Variants in UMAD1 observed in about 807,000 individuals in gnomAD.
UMAD1 encodes the protein UBAP1-MVB12-associated (UMA) domain containing 1, also known as UBAP1-MVB12-associated (UMA)-domain containing protein 1.
In UMAD1, 8 loss-of-function variants were observed where a neutral mutation model predicts 6.1. The observed-to-expected ratio is 1.30, with a 90% confidence interval of 0.76 to 2.35. UMAD1 has a LOEUF of 2.35. Ranked by LOEUF, UMAD1 falls within the 30% of genes most tolerant of loss-of-function variation. UMAD1 has a pLI of 0.00. For synonymous variants in UMAD1, 56 were observed against 31.4 expected (o/e 1.78, Z -2.61); for missense variants, 130 against 78.4 (o/e 1.66, Z -2.49).
chr7:7,866,999 T>G (rs962576701), intron 3 of UMAD1, among the ~76,000 whole-genome samples: 3 of 152,048 alleles, frequency 2.0e-5, no homozygotes, highest in Non-Finnish European at 4.4e-5. Context: ...TAGGACTCAG[T>G]GATTTATTGC....
At chr7:7,875,164 C>T (rs1784394562) in intron 3 of UMAD1, among the ~76,000 whole-genome samples, 1 of 152,120 alleles carries the variant, frequency 6.6e-6, no homozygotes, top group Non-Finnish European at 1.5e-5. Context: ...CACAACGTAC[C>T]AGAATCTCTG....
chr7:7,705,613 T>TA (rs1305938073), intron 2 of UMAD1, among the ~76,000 whole-genome samples: 13 of 152,218 alleles, frequency 8.5e-5, no homozygotes, highest in African/African-American at 3.1e-4. Flanking sequence ...GATAATGAAT[T>TA]AGAGTTCAAG....
At chr7:7,772,823 G>A (rs913075859) in intron 2 of UMAD1, among the ~76,000 whole-genome samples, 3 of 152,186 alleles carry the variant, frequency 2.0e-5, no homozygotes, top group African/African-American at 7.2e-5. Context: ...GTGGTCAGTT[G>A]TGCCTTACCA....
At chr7:7,659,302 C>A (rs36130255) in intron 1 of UMAD1, among the ~76,000 whole-genome samples, 21,358 of 151,620 alleles carry the variant, frequency 0.14, 1,754 homozygotes, top group Middle Eastern at 0.24. Context: ...GTCTCTATCT[C>A]CTTCATTTTT....
intron 2 of UMAD1, among the ~76,000 whole-genome samples, chr7:7,784,554 C>T (rs546609006): frequency 6.6e-6 from 1 of 150,664 alleles, no homozygotes; most frequent in Non-Finnish European, 1.5e-5. Flanking sequence ...ACTGTGTTAG[C>T]CAGGATGGTC....
intron 3 of UMAD1, among the ~76,000 whole-genome samples, chr7:7,844,501 G>A (rs1171225993): frequency 6.6e-6 from 1 of 152,074 alleles, no homozygotes; most frequent in African/African-American, 2.4e-5. Context: ...GCAGTGACTG[G>A]CGTTGGTAGT....
At chr7:7,837,135 C>T (rs1262380075) in intron 3 of UMAD1, among the ~76,000 whole-genome samples, 1 of 152,018 alleles carries the variant, frequency 6.6e-6, no homozygotes, top group East Asian at 1.9e-4. Context: ...TCAGTAACAG[C>T]ACTGGATCCA....
intron 2 of UMAD1, among the ~76,000 whole-genome samples, chr7:7,752,045 A>G (rs1160409178): frequency 6.6e-6 from 1 of 152,206 alleles, no homozygotes; most frequent in Non-Finnish European, 1.5e-5. Context: ...GAGAAATTAT[A>G]GACTCCTAAT....
At chr7:7,849,991 A>C (rs966887416) in intron 3 of UMAD1, among the ~76,000 whole-genome samples, 23 of 152,200 alleles carry the variant, frequency 1.5e-4, no homozygotes, top group African/African-American at 5.3e-4. Flanking sequence ...AAGATTAAAA[A>C]GTCTGAAAAC....
At chr7:7,796,070 C>T (rs1346441491) in intron 2 of UMAD1, among the ~76,000 whole-genome samples, 2 of 151,836 alleles carry the variant, frequency 1.3e-5, no homozygotes, top group Admixed American at 1.3e-4. Context: ...AATGCAACAA[C>T]CAGTGGACAG....
chr7:7,803,935 A>G (rs1275019659), intron 3 of UMAD1, among the ~76,000 whole-genome samples: 1 of 152,310 alleles, frequency 6.6e-6, no homozygotes, highest in Non-Finnish European at 1.5e-5. Context: ...GAACTTGACT[A>G]TTTTTCAAAG....
chr7:7,778,265 T>TGAGAGAGAGAGA (rs1312767168), intron 2 of UMAD1, among the ~76,000 whole-genome samples: 1 of 109,404 alleles, frequency 9.1e-6, no homozygotes, highest in African/African-American at 3.1e-5. Flanking sequence ...TGTGTGTGTG[T>TGAGAGAGAGAGA]GTGTGTGTGT....
intron 3 of UMAD1, among the ~76,000 whole-genome samples, chr7:7,853,099 G>C (rs189951877): frequency 1.3e-5 from 2 of 152,280 alleles, no homozygotes; most frequent in East Asian, 3.9e-4. Context: ...AATGCTGTGG[G>C]AGTTATGAGC....
intron 1 of UMAD1, among the ~76,000 whole-genome samples, chr7:7,667,079 G>A (rs896952975): frequency 2.0e-5 from 3 of 152,214 alleles, no homozygotes; most frequent in Non-Finnish European, 4.4e-5. Context: ...AAAGTGCTGG[G>A]ATTACAGGCG....
At chr7:7,779,578 A>G (rs949422149) in intron 2 of UMAD1, among the ~76,000 whole-genome samples, 1 of 152,198 alleles carries the variant, frequency 6.6e-6, no homozygotes, top group East Asian at 1.9e-4. Flanking sequence ...AATTACAGGC[A>G]TGAGCCACCA....
intron 2 of UMAD1, among the ~76,000 whole-genome samples, chr7:7,687,554 A>G (rs1008350671): frequency 1.3e-5 from 2 of 152,222 alleles, no homozygotes; most frequent in African/African-American, 4.8e-5. Flanking sequence ...CTATGCTTAT[A>G]TGATCAGTCC....
At chr7:7,651,245 G>T (rs1785217185) in intron 1 of UMAD1, among the ~76,000 whole-genome samples, 2 of 152,186 alleles carry the variant, frequency 1.3e-5, no homozygotes, top group Admixed American at 1.3e-4. Flanking sequence ...ATCCACAAAA[G>T]TATATGTTAG....
intron 1 of UMAD1, among the ~76,000 whole-genome samples, chr7:7,654,706 C>A (rs112556242): frequency 0.028 from 4,227 of 152,098 alleles, 190 homozygotes; most frequent in African/African-American, 0.096. Context: ...AGTTCGAGAC[C>A]AGCCTGGCCA....
chr7:7,724,056 G>A (rs899554194), intron 2 of UMAD1, among the ~76,000 whole-genome samples: 4 of 152,120 alleles, frequency 2.6e-5, no homozygotes, highest in Admixed American at 6.5e-5. Context: ...AGGGGAGGCC[G>A]GGTCCCCTTG....
Sources: allele counts gnomAD v4.1 joint callset (sites outside exome capture counted in the v4.1 genomes callset), GRCh38; gene constraint gnomAD v4.1.1; transcripts MANE v1.5; gene names NCBI Gene and HGNC (gene_info 2026-07-23, HGNC 2026-07-21).